BBS9: variants seen among roughly 807,000 people sequenced by gnomAD.
The protein encoded by BBS9 is protein PTHB1.
A neutral mutation model predicts 117.7 loss-of-function variants in BBS9; 89 were observed. The ratio of observed to expected loss-of-function variants is 0.76; its 90% CI spans 0.64 to 0.90. The LOEUF (loss-of-function observed/expected upper bound fraction) is 0.90. Among genes scored for constraint, BBS9 ranks in the 40% least tolerant of loss-of-function variants. The pLI is 0.00. For synonymous variants in BBS9, 379 were observed against 370.9 expected, an observed-to-expected ratio of 1.02 and a Z score of -0.25; for missense variants, 982 against 1,042.2, an observed-to-expected ratio of 0.94 and a Z score of 0.80.
chr7:33,296,276 A>C (rs1051322594), intron 9 of BBS9, among the ~76,000 whole-genome samples: 1 of 152,148 alleles, frequency 6.6e-6, no homozygotes, highest in African/African-American at 2.4e-5. Flanking sequence ...AGTACTTTTA[A>C]GTTATAAATC....
chr7:33,554,378 A>G (rs1022763136), intron 21 of BBS9, among the ~76,000 whole-genome samples: 1 of 152,178 alleles, frequency 6.6e-6, no homozygotes, highest in South Asian at 2.1e-4. Context: ...AATGTAGGCA[A>G]GAGATGAGGT....
At chr7:33,305,099 C>T (rs552652598) in intron 9 of BBS9, among the ~76,000 whole-genome samples, 58 of 151,230 alleles carry the variant, frequency 3.8e-4, no homozygotes, top group African/African-American at 1.3e-3. Flanking sequence ...TGCCACATCC[C>T]CCTCTCCGAG....
At chr7:33,281,969 C>G (rs930905697) in intron 9 of BBS9, among the ~76,000 whole-genome samples, 2 of 151,760 alleles carry the variant, frequency 1.3e-5, no homozygotes, top group African/African-American at 4.8e-5. Context: ...TACATGCCAT[C>G]ACATCTGGCA....
At chr7:33,260,687 A>G (rs963976557) in intron 6 of BBS9, among the ~76,000 whole-genome samples, 1 of 152,208 alleles carries the variant, frequency 6.6e-6, no homozygotes, top group African/African-American at 2.4e-5. Context: ...TTATCCTCAA[A>G]TAGTATTCAA....
intron 4 of BBS9, among the ~76,000 whole-genome samples, chr7:33,176,700 G>T (rs1399084296): frequency 6.6e-6 from 1 of 152,052 alleles, no homozygotes; most frequent in Non-Finnish European, 1.5e-5. Context: ...TTTGCTTTAT[G>T]ATAATTTAAA....
chr7:33,470,525 G>GA (rs1840857558), intron 19 of BBS9, among the ~76,000 whole-genome samples: 1 of 151,976 alleles, frequency 6.6e-6, no homozygotes, highest in Non-Finnish European at 1.5e-5. Flanking sequence ...AATTTTCCGT[G>GA]AAAATAGCAA....
intron 1 of BBS9, among the ~76,000 whole-genome samples, chr7:33,130,881 T>C (rs1228464147): frequency 2.6e-5 from 4 of 152,202 alleles, no homozygotes; most frequent in Non-Finnish European, 4.4e-5. Context: ...TATACACTTA[T>C]ATTTATGGTA....
intron 21 of BBS9, among the ~76,000 whole-genome samples, chr7:33,589,082 G>A (rs79252669): frequency 0.065 from 9,941 of 152,134 alleles, 564 homozygotes; most frequent in African/African-American, 0.15. Flanking sequence ...GGTAAAAATG[G>A]GCAGTCCAGT....
At position 33,297,446 on chromosome 7, in the gene BBS9, C is replaced by T. The variant is rs569372587; in HGVS notation, c.1016+23490C>T. Reference sequence around the variant, plus strand: ...ATTGTAATCATTGATCAGTCTTTAGCGGTGGGTGACTTGGTTTATAGATTT... The same window carrying T: ...ATTGTAATCATTGATCAGTCTTTAGTGGTGGGTGACTTGGTTTATAGATTT... On this transcript the variant is annotated intron_variant, in intron 9 of 22. Transcript: ENST00000242067. 1.1e-3 allele frequency among the ~76,000 whole-genome samples: 169 copies of T among 152,194 alleles called. 2 individuals carry two copies. Among genetic ancestry groups the T allele is most frequent in the African/African-American group, 3.8e-3 (159 of 41,532 alleles).
chr7:33,284,878 C>T (rs771764694), intron 9 of BBS9, among the ~76,000 whole-genome samples: 14 of 152,112 alleles, frequency 9.2e-5, no homozygotes, highest in Non-Finnish European at 1.9e-4. Flanking sequence ...TTCTCCCAGC[C>T]ACTTCCCTCC....
chr7:33,280,785 GA>G (rs1400322159), intron 9 of BBS9, among the ~76,000 whole-genome samples: 2 of 151,422 alleles, frequency 1.3e-5, no homozygotes, highest in South Asian at 4.2e-4. Context: ...TTTAAAATAT[GA>G]AAAAACAGAC....
intron 21 of BBS9, among the ~76,000 whole-genome samples, chr7:33,565,454 G>C (rs750871401): frequency 6.6e-6 from 1 of 152,094 alleles, no homozygotes; most frequent in Non-Finnish European, 1.5e-5. Flanking sequence ...TCACTGCCAG[G>C]TAATGACTTC....
intron 19 of BBS9, among the ~76,000 whole-genome samples, chr7:33,393,271 C>G (rs1299342447): frequency 6.6e-6 from 1 of 152,158 alleles, no homozygotes; most frequent in Non-Finnish European, 1.5e-5. Flanking sequence ...AATATTTGCC[C>G]ATGTTCTTAG....
At chr7:33,168,907 C>T (rs1416241688) in intron 4 of BBS9, among the ~76,000 whole-genome samples, 1 of 151,362 alleles carries the variant, frequency 6.6e-6, no homozygotes, top group East Asian at 1.9e-4. Flanking sequence ...TGTGCTGCAC[C>T]CACTAACTCA....
chr7:33,601,887 G>T (rs1420171343), intron 21 of BBS9, among the ~76,000 whole-genome samples: 1 of 152,092 alleles, frequency 6.6e-6, no homozygotes, highest in Non-Finnish European at 1.5e-5. Context: ...TTGCACACCA[G>T]GGGCTATTAC....
intron 19 of BBS9, among the ~76,000 whole-genome samples, chr7:33,469,030 T>G (rs1840602675): frequency 6.6e-6 from 1 of 151,978 alleles, no homozygotes; most frequent in Non-Finnish European, 1.5e-5. Flanking sequence ...GACTACTTTT[T>G]TGAGAAGTCA....
intron 13 of BBS9, 61 bp from the exon 14 acceptor site, chr7:33,351,158 C>A (rs1206436417): frequency 5.4e-6 from 6 of 1,117,032 alleles, no homozygotes; most frequent in Admixed American, 1.7e-5. Flanking sequence ...TAAATTTTAA[C>A]TGTTGTTAAT....
intron 21 of BBS9, among the ~76,000 whole-genome samples, chr7:33,590,133 T>C (rs905517245): frequency 2.6e-5 from 4 of 152,094 alleles, no homozygotes; most frequent in Non-Finnish European, 2.9e-5. Context: ...AGCCCATTGA[T>C]GGAACCATGT....
intron 19 of BBS9, among the ~76,000 whole-genome samples, chr7:33,500,153 A>G (rs1006419905): frequency 4.6e-5 from 7 of 152,222 alleles, no homozygotes; most frequent in Non-Finnish European, 8.8e-5. Context: ...TTGTGCAGAA[A>G]CCAGCCAATT....
Sources: gnomAD v4.1 joint callset for allele counts (sites outside exome capture counted in the v4.1 genomes callset) on GRCh38, gnomAD v4.1.1 for gene constraint, MANE v1.5 for transcripts, NCBI Gene and HGNC (gene_info 2026-07-23, HGNC 2026-07-21) for gene names.